The following TUSC3 variants were observed in gnomAD, a reference collection of about 807,000 sequenced individuals.
TUSC3 encodes tumor suppressor candidate 3.
Under a neutral mutation model 44.8 loss-of-function variants are expected in TUSC3, and 45 were observed. That is an observed-to-expected ratio of 1.00 (90% CI 0.79 to 1.29). TUSC3 has a LOEUF of 1.29. Ranked by LOEUF, TUSC3 falls within the 50% of genes most tolerant of loss-of-function variation. The pLI is 0.00. For missense variants in TUSC3, 519 were observed against 437.9 expected (o/e 1.19, Z -1.65); for synonymous variants, 212 against 152.9 (o/e 1.39, Z -2.85).
intron 6 of TUSC3, among the ~76,000 whole-genome samples, chr8:15,712,548 C>G (rs964928317): frequency 6.6e-6 from 1 of 151,908 alleles, no homozygotes. Context: ...TTCCATCACC[C>G]CTTTTAAAAA....
At chr8:15,565,920 T>G (rs1802651606) in intron 1 of TUSC3, among the ~76,000 whole-genome samples, 1 of 152,154 alleles carries the variant, frequency 6.6e-6, no homozygotes, top group Admixed American at 6.5e-5. Context: ...TTGGGGTCTG[T>G]CTGGTACTAC....
chr8:15,761,693 C>A (rs1052134021), intron 10 of TUSC3, among the ~76,000 whole-genome samples: 1 of 152,150 alleles, frequency 6.6e-6, no homozygotes, highest in African/African-American at 2.4e-5. Flanking sequence ...TCGTGGTACC[C>A]AAGGCTGCTT....
At chr8:15,747,820 T>G (rs2129217286) in intron 8 of TUSC3, among the ~76,000 whole-genome samples, 1 of 152,186 alleles carries the variant, frequency 6.6e-6, no homozygotes, top group Non-Finnish European at 1.5e-5. Context: ...TCCCCTCTGG[T>G]TTTCACTTAG....
chr8:15,762,904 T>TCG (rs1554489542), intron 10 of TUSC3, among the ~76,000 whole-genome samples: 1 of 135,360 alleles, frequency 7.4e-6, no homozygotes, highest in Non-Finnish European at 1.6e-5. Context: ...ACTGCTGACA[T>TCG]TCTTCATGGA....
chr8:15,703,479 G>A (rs188198571), intron 6 of TUSC3, among the ~76,000 whole-genome samples: 4 of 151,926 alleles, frequency 2.6e-5, no homozygotes, highest in South Asian at 4.1e-4. Flanking sequence ...ACAGCTTTGG[G>A]CAGCCTTGTT....
At chr8:15,843,767 T>C in the TUSC3 span, among the ~76,000 whole-genome samples, 2 of 151,966 alleles carry the variant, frequency 1.3e-5, no homozygotes, top group Non-Finnish European at 2.9e-5. Flanking sequence ...GTGTTCCAGA[T>C]TATATACTTA....
chr8:15,467,217 T>C (rs776748693), intron 1 of TUSC3, among the ~76,000 whole-genome samples: 1 of 150,832 alleles, frequency 6.6e-6, no homozygotes, highest in Non-Finnish European at 1.5e-5. Flanking sequence ...ACGGTGCTAT[T>C]CTACTTGGGG....
chr8:15,798,027 T>C, the TUSC3 span, among the ~76,000 whole-genome samples: 2 of 152,208 alleles, frequency 1.3e-5, no homozygotes, highest in South Asian at 4.1e-4. Context: ...TGCTATACTA[T>C]GTCCGATAGA....
At position 15,441,091 on chromosome 8, in the gene TUSC3, A is replaced by C. The variant is rs62501881; in HGVS notation, n.91+23786A>C. 1.5e-3 allele frequency among the ~76,000 whole-genome samples: 224 copies of C among 152,370 alleles called. 1 individual carries two copies. The highest frequency in any genetic ancestry group is 3.4e-3 in the Middle Eastern group (1 of 294). ...TGCAACTAAAACTGCCCTAATAATT[A>C]AATTAATACTAAATTAAAAATCAAG... On this transcript the variant is annotated intron_variant and non_coding_transcript_variant, in intron 1 of 5. Coordinates refer to the TUSC3 transcript ENST00000503191.
At chr8:15,682,807 C>CTTTTT (rs1563170416) in intron 6 of TUSC3, among the ~76,000 whole-genome samples, 1 of 133,534 alleles carries the variant, frequency 7.5e-6, no homozygotes, top group African/African-American at 2.6e-5. Context: ...ATGTCTAGAA[C>CTTTTT]TTTCTTTTTT....
At chr8:15,778,832 T>C in the TUSC3 span, among the ~76,000 whole-genome samples, 1 of 152,172 alleles carries the variant, frequency 6.6e-6, no homozygotes, top group South Asian at 2.1e-4. Flanking sequence ...ACCAAGAAAC[T>C]CTTTATGCAA....
chr8:15,451,121 C>G (rs1159537692), intron 1 of TUSC3, among the ~76,000 whole-genome samples: 2 of 152,094 alleles, frequency 1.3e-5, no homozygotes, highest in African/African-American at 4.8e-5. Context: ...CAGAGGGAAG[C>G]TAGAGGATCA....
At chr8:15,825,865 T>C in the TUSC3 span, among the ~76,000 whole-genome samples, 1 of 150,092 alleles carries the variant, frequency 6.7e-6, no homozygotes, top group African/African-American at 2.5e-5. Flanking sequence ...AGTGACCAAT[T>C]ACGGAATCAA....
chr8:15,748,921 G>A (rs1185122533), intron 9 of TUSC3: 5 of 362,960 alleles, frequency 1.4e-5, no homozygotes, highest in Admixed American at 7.7e-5. Flanking sequence ...AATAATTTCT[G>A]GTCATTATAA....
intron 2 of TUSC3, among the ~76,000 whole-genome samples, chr8:15,489,612 G>C (rs1371533344): frequency 6.6e-6 from 1 of 152,148 alleles, no homozygotes; most frequent in Non-Finnish European, 1.5e-5. Flanking sequence ...TTCAGGATCT[G>C]CTGTCATGTG....
intron 1 of TUSC3, among the ~76,000 whole-genome samples, chr8:15,471,955 T>C (rs1800499675): frequency 6.6e-6 from 1 of 152,148 alleles, no homozygotes; most frequent in Non-Finnish European, 1.5e-5. Context: ...TTGAATAACA[T>C]AATTGATGAA....
At chr8:15,518,771 G>C (rs1404630348) in intron 2 of TUSC3, among the ~76,000 whole-genome samples, 1 of 152,110 alleles carries the variant, frequency 6.6e-6, no homozygotes, top group African/African-American at 2.4e-5. Context: ...AGCATTTAAA[G>C]TTAGCAATGC....
At chr8:15,760,842 C>CTT in intron 10 of TUSC3, among the ~76,000 whole-genome samples, 1 of 152,290 alleles carries the variant, frequency 6.6e-6, no homozygotes, top group African/African-American at 2.4e-5. Flanking sequence ...TGTTCCCATA[C>CTT]TTTCATACCT....
chr8:15,803,263 AG>A, the TUSC3 span, among the ~76,000 whole-genome samples: 4 of 152,166 alleles, frequency 2.6e-5, no homozygotes, highest in Non-Finnish European at 5.9e-5. Flanking sequence ...ATTCTTTCCC[AG>A]GAAAAAAAAT....
Sources: allele counts gnomAD v4.1 joint callset (sites outside exome capture counted in the v4.1 genomes callset), GRCh38; gene constraint gnomAD v4.1.1; transcripts MANE v1.5; gene names NCBI Gene and HGNC (gene_info 2026-07-23, HGNC 2026-07-21).